Variants in CHST11 observed in about 807,000 individuals in gnomAD.
CHST11 encodes carbohydrate sulfotransferase 11, also known as C4S-1.
CHST11 carries 9 observed loss-of-function variants against 30.4 expected under a neutral mutation model. The observed-to-expected ratio is 0.30, with a 90% confidence interval of 0.18 to 0.52. The LOEUF (loss-of-function observed/expected upper bound fraction) is 0.52. Ranked by LOEUF, CHST11 falls within the 20% of genes least tolerant of loss-of-function variation. The pLI, the probability that CHST11 is intolerant of heterozygous loss-of-function variation, is 0.97. For synonymous variants in CHST11, 152 were observed against 187.8 expected (o/e 0.81, Z 1.56); for missense variants, 348 against 460.6 (o/e 0.76, Z 2.24).
intron 2 of CHST11, among the ~76,000 whole-genome samples, chr12:104,716,342 C>A (rs762314233): frequency 1.1e-4 from 16 of 152,328 alleles, no homozygotes; most frequent in African/African-American, 1.9e-4. Context: ...TGAGTCTACC[C>A]CCACCCAGCT....
At chr12:104,692,420 T>C (rs1204393711) in intron 2 of CHST11, among the ~76,000 whole-genome samples, 1 of 152,254 alleles carries the variant, frequency 6.6e-6, no homozygotes, top group East Asian at 1.9e-4. Context: ...TGCCGAGTGA[T>C]GTTTTCAGTG....
chr12:104,597,270 C>T (rs1039392066), intron 1 of CHST11, among the ~76,000 whole-genome samples: 3 of 152,026 alleles, frequency 2.0e-5, no homozygotes, highest in Non-Finnish European at 4.4e-5. Flanking sequence ...TCCAAGAAAT[C>T]ATACTGTAAA....
chr12:104,708,082 C>T (rs1284682998), intron 2 of CHST11, among the ~76,000 whole-genome samples: 1 of 152,224 alleles, frequency 6.6e-6, no homozygotes, highest in South Asian at 2.1e-4. Context: ...ACCTTCTCCT[C>T]CCCGGGGAGA....
chr12:104,605,729 G>A (rs1337700616), intron 2 of CHST11, among the ~76,000 whole-genome samples: 5 of 152,184 alleles, frequency 3.3e-5, no homozygotes, highest in Admixed American at 2.6e-4. Flanking sequence ...TCAAGTCACC[G>A]AAAGTTCAGG....
chr12:104,685,254 C>T (rs1392842926), intron 2 of CHST11, among the ~76,000 whole-genome samples: 2 of 152,118 alleles, frequency 1.3e-5, no homozygotes, highest in Non-Finnish European at 2.9e-5. Context: ...GGCTGAGGTG[C>T]GATGTTACTG....
At chr12:104,622,190 T>G (rs2039166470) in intron 2 of CHST11, among the ~76,000 whole-genome samples, 1 of 152,220 alleles carries the variant, frequency 6.6e-6, no homozygotes, top group Non-Finnish European at 1.5e-5. Flanking sequence ...TTATATCAGA[T>G]CACAGTTTTG....
In CHST11 at chr12:104,676,483, C is replaced by T. The variant is rs769557724; in HGVS notation, c.204+74492C>T. ...AGGCTGGAGTGCAGTGGCGCAATCTCGGCTCACTGCAACCTCCGCCTCCCG... is the reference window on the plus strand; with the variant it reads ...AGGCTGGAGTGCAGTGGCGCAATCTTGGCTCACTGCAACCTCCGCCTCCCG... On this transcript the variant is annotated intron_variant, in intron 2 of 2. Transcript: ENST00000303694. This position sits in a 1 kb window ranked among gnomAD's most constrained non-coding sequence, Gnocchi z 4.4. Among the ~76,000 whole-genome samples the T allele has an allele frequency of 5.9e-5, 9 of 152,196 alleles. No homozygotes were observed. The highest frequency in any genetic ancestry group is 3.3e-4 in the Admixed American group (5 of 15,282).
rs535704384 is a variant in CHST11, at chr12:104,713,229, G to A, written c.205-43720G>A. On this transcript the variant is annotated intron_variant, in intron 2 of 2. Transcript: ENST00000303694. The stretch of plus-strand genomic sequence containing the variant: ...ATATTTCCACCCCGGGCCCTCCTCC[G>A]AATCCAATAGGTATTCAAGGATGTG... 1.6e-4 allele frequency among the ~76,000 whole-genome samples: 25 copies of A among 152,146 alleles called. No individual in the cohort carries two copies. In the East Asian group the frequency reaches 2.7e-3, roughly 16 times the overall value.
At chr12:104,735,781 C>G (rs1272549745) in intron 2 of CHST11, among the ~76,000 whole-genome samples, 1 of 152,182 alleles carries the variant, frequency 6.6e-6, no homozygotes, top group Non-Finnish European at 1.5e-5. Flanking sequence ...GTGCCAGGCT[C>G]AGGCATCTGC....
At chr12:104,626,951 A>G (rs2039221796) in intron 2 of CHST11, among the ~76,000 whole-genome samples, 1 of 152,110 alleles carries the variant, frequency 6.6e-6, no homozygotes, top group Non-Finnish European at 1.5e-5. Context: ...GTCATTATAC[A>G]TTTTAGAGTA....
chr12:104,532,839 C>T (rs1394461944), intron 1 of CHST11, among the ~76,000 whole-genome samples: 1 of 152,156 alleles, frequency 6.6e-6, no homozygotes, highest in Admixed American at 6.5e-5. Flanking sequence ...AGACAGTGGC[C>T]CCCACACCCA....
chr12:104,495,578 A>G (rs1261257762), intron 1 of CHST11, among the ~76,000 whole-genome samples: 1 of 152,160 alleles, frequency 6.6e-6, no homozygotes, highest in Middle Eastern at 3.2e-3. Context: ...TATTATTTAT[A>G]CTTCAGGTAA....
chr12:104,603,779 G>T (rs1222485011), intron 2 of CHST11, among the ~76,000 whole-genome samples: 1 of 152,116 alleles, frequency 6.6e-6, no homozygotes, highest in Non-Finnish European at 1.5e-5. Context: ...TCATTTCTTA[G>T]CTATGTGACT....
At chr12:104,457,734 CTCT>C (rs2037366996) in intron 1 of CHST11, among the ~76,000 whole-genome samples, 1 of 151,626 alleles carries the variant, frequency 6.6e-6, no homozygotes, top group African/African-American at 2.4e-5. Context: ...GTGCTTCGCC[CTCT>C]TCTTCCTACC....
intron 2 of CHST11, among the ~76,000 whole-genome samples, chr12:104,631,680 C>G (rs1426947353): frequency 3.9e-5 from 6 of 152,190 alleles, no homozygotes. Context: ...CTCTCCACCT[C>G]CCTTTGCTCT....
intron 1 of CHST11, among the ~76,000 whole-genome samples, chr12:104,549,015 T>C (rs776922874): frequency 3.4e-4 from 51 of 152,236 alleles, no homozygotes; most frequent in Non-Finnish European, 6.8e-4. Context: ...TCATATAGAA[T>C]GGTTGGTTTT....
At chr12:104,518,056 C>T (rs1480632474) in intron 1 of CHST11, among the ~76,000 whole-genome samples, 1 of 152,062 alleles carries the variant, frequency 6.6e-6, no homozygotes, top group Non-Finnish European at 1.5e-5. Context: ...CTTTAGGAAG[C>T]TGAGGTGGGA....
At chr12:104,551,312 G>C (rs2038402136) in intron 1 of CHST11, among the ~76,000 whole-genome samples, 1 of 152,088 alleles carries the variant, frequency 6.6e-6, no homozygotes, top group African/African-American at 2.4e-5. Context: ...CTCTTAGATC[G>C]GCACACCAGG....
At position 104,600,409 on chromosome 12, in the gene CHST11, T is replaced by G. The variant is rs2038947255; in HGVS notation, c.119-1497T>G. Among the ~76,000 whole-genome samples, 1 of 152,184 alleles carries G rather than the reference T, an allele frequency of 6.6e-6. No individual in the cohort carries two copies. Among genetic ancestry groups the G allele is most frequent in the African/African-American group, 2.4e-5 (1 of 41,438 alleles). Reference sequence around the variant, plus strand: ...CCTTGATAGCCACAAATAGAGAAGTTCCCGCCTTCCTCCCAGGGGGATCTA... The same window carrying G: ...CCTTGATAGCCACAAATAGAGAAGTGCCCGCCTTCCTCCCAGGGGGATCTA... On this transcript the variant is annotated intron_variant, in intron 1 of 2. Coordinates refer to ENST00000303694, the MANE Select transcript of CHST11 (RefSeq NM_018413.6). This position sits in a 1 kb window ranked among gnomAD's most constrained non-coding sequence, Gnocchi z 4.1.
Sources: gnomAD v4.1 joint callset for allele counts (sites outside exome capture counted in the v4.1 genomes callset) on GRCh38, gnomAD v4.1.1 for gene constraint, Gnocchi (gnomAD v3.1) non-coding constraint, MANE v1.5 for transcripts, NCBI Gene and HGNC (gene_info 2026-07-23, HGNC 2026-07-21) for gene names.